The following VWA3A variants were observed in gnomAD, a reference collection of about 807,000 sequenced individuals.
The protein encoded by VWA3A is von Willebrand factor A domain containing 3A.
Under a neutral mutation model 160.4 loss-of-function variants are expected in VWA3A, and 134 were observed. The ratio of observed to expected loss-of-function variants is 0.84; its 90% CI spans 0.73 to 0.96. The LOEUF (loss-of-function observed/expected upper bound fraction) is 0.96. VWA3A is among the 40% of genes least tolerant of loss of function. VWA3A has a pLI of 0.00. For missense variants in VWA3A, 1,310 were observed against 1,447.9 expected (o/e 0.90, Z 1.55); for synonymous variants, 476 against 543.4 (o/e 0.88, Z 1.72).
intron 6 of VWA3A, among the ~76,000 whole-genome samples, chr16:22,106,316 CA>C (rs1468992869): frequency 2.0e-5 from 3 of 152,052 alleles, no homozygotes; most frequent in Admixed American, 6.5e-5. Flanking sequence ...ACCCAGGAGG[CA>C]GAGGTTGCAG....
intron 12 of VWA3A, among the ~76,000 whole-genome samples, chr16:22,120,211 T>C (rs114975111): frequency 0.016 from 2,416 of 152,242 alleles, 66 homozygotes; most frequent in African/African-American, 0.055. Context: ...TGAGTTTGGA[T>C]TGAACCCAGG....
intron 3 of VWA3A, among the ~76,000 whole-genome samples, chr16:22,099,595 A>C (rs1434750465): frequency 6.6e-6 from 1 of 152,272 alleles, no homozygotes; most frequent in Non-Finnish European, 1.5e-5. Context: ...TGCAGTAATT[A>C]TGAGAGTGTT....
At chr16:22,152,670 A>C (rs1421365375) in intron 31 of VWA3A, 36 bp downstream of exon 31, 1 of 1,575,628 alleles carries the variant, frequency 6.3e-7, no homozygotes, top group East Asian at 2.3e-5. Flanking sequence ...AGGTCTGTTG[A>C]AACGGCTCGA....
Position 22,150,778 on chromosome 16 carries a change from T to G in VWA3A, c.3213T>G (p.Asn1071Lys), listed in dbSNP as rs1327243076. 1 of 1,613,280 alleles carries G rather than the reference T, an allele frequency of 6.2e-7. No individual in the cohort carries two copies. Among genetic ancestry groups the G allele is most frequent in the Non-Finnish European group, 8.5e-7 (1 of 1,179,668 alleles). ...ACACAAGCTGCAGCCTTGTCCTAAATGAAGTCCAAAAACTCAGGGAGAAAA... is the reference window on the plus strand; with the variant it reads ...ACACAAGCTGCAGCCTTGTCCTAAAGGAAGTCCAAAAACTCAGGGAGAAAA... Reference protein sequence around the residue: ...KPDTSCSLVLNEVQKLREKRD... With the variant: ...KPDTSCSLVLKEVQKLREKRD... The change falls in exon 30 of 34, where the codon AAT becomes AAG. Residue 1071 changes from asparagine to lysine, a missense_variant. Physicochemically the swap from Asn to Lys is moderately conservative, Grantham distance 94 (BLOSUM62 0). Transcript: ENST00000389398.
At chr16:22,120,153 G>T (rs2045708327) in intron 12 of VWA3A, among the ~76,000 whole-genome samples, 1 of 152,146 alleles carries the variant, frequency 6.6e-6, no homozygotes, top group African/African-American at 2.4e-5. Flanking sequence ...GGAAACCAAA[G>T]TTAAGAGGTT....
intron 5 of VWA3A, among the ~76,000 whole-genome samples, chr16:22,101,641 A>C (rs775307779): frequency 1.3e-5 from 2 of 152,182 alleles, no homozygotes; most frequent in Non-Finnish European, 2.9e-5. Context: ...TTATAAAACC[A>C]TCACTCTCAA....
intron 27 of VWA3A, chr16:22,147,653 C>G: frequency 1.4e-6 from 1 of 702,960 alleles, no homozygotes; most frequent in South Asian, 1.5e-5. Flanking sequence ...GTACAGTTGT[C>G]AGGTCAGAGG....
chr16:22,115,667 TAA>T (rs560660662), intron 9 of VWA3A, among the ~76,000 whole-genome samples, 195 bp downstream of exon 9: 4 of 140,246 alleles, frequency 2.9e-5, no homozygotes, highest in Non-Finnish European at 3.1e-5. Flanking sequence ...CCCTATCTCT[TAA>T]AAAAAAAAAA....
At chr16:22,111,635 C>T (rs1431788629) in intron 8 of VWA3A, among the ~76,000 whole-genome samples, 1 of 152,126 alleles carries the variant, frequency 6.6e-6, no homozygotes, top group Non-Finnish European at 1.5e-5. Context: ...GCATGCACTA[C>T]CACGCCCAGC....
At position 22,155,894 on chromosome 16, in the gene VWA3A, C is replaced by T. The variant is rs779599266; in HGVS notation, c.3547C>T (p.Leu1183Phe). The T allele has an allele frequency of 6.2e-7, 1 of 1,614,014 alleles. No homozygotes were observed. Among genetic ancestry groups the T allele is most frequent in the Admixed American group, 1.7e-5 (1 of 60,028 alleles). ...KKNDAEPKVTLS is the reference protein window; with the variant it reads ...KKNDAEPKVTFS ...AAATGATGCAGAACCAAAGGTCACT[C>T]TTTCCTAGAGAAGTGTTCTCAGGTA... The change falls in exon 33 of 34, where the codon CTT becomes TTT. Residue 1183 changes from leucine to phenylalanine, a missense_variant. By Grantham distance (22) the Leu-to-Phe change is conservative. Coordinates refer to ENST00000389398, the MANE Select transcript of VWA3A (RefSeq NM_173615.5).
intron 1 of VWA3A, among the ~76,000 whole-genome samples, chr16:22,092,881 C>T (rs959386672): frequency 7.9e-5 from 12 of 152,040 alleles, no homozygotes; most frequent in African/African-American, 2.7e-4. Context: ...GAAGGGGCAG[C>T]GACAGGAGGA....
chr16:22,144,384 T>G lies in VWA3A; in HGVS notation c.2730T>G (p.His910Gln). Residue 910 changes from histidine (H) to glutamine (Q), a missense_variant and splice_region_variant, in exon 26 of 34, where the codon CAT becomes CAG. Physicochemically the swap from His to Gln is conservative, Grantham distance 24 (BLOSUM62 0). Coordinates refer to ENST00000389398, the MANE Select transcript of VWA3A (RefSeq NM_173615.5). ...GCATCTTCCCCAGCGTTGAGATCCA[T>G]GTAAGTCACAATTTTCATCATCGTC... ...HCSIFPSVEI[H>Q]GVVRHIQWTP... The G allele has an allele frequency of 6.2e-7, 1 of 1,610,582 alleles. No individual in the cohort carries two copies. Among genetic ancestry groups the G allele is most frequent in the East Asian group, 2.2e-5 (1 of 44,850 alleles).
At chr16:22,140,012 G>A (rs1198957666) in intron 22 of VWA3A, 142 bp from the exon 23 acceptor site, 33 of 697,720 alleles carry the variant, frequency 4.7e-5, no homozygotes, top group Admixed American at 4.5e-4. Context: ...CTGCAGGAGA[G>A]GGGCCAAACC....
Position 22,133,029 on chromosome 16 carries a change from A to G in VWA3A, c.2002A>G (p.Thr668Ala), listed in dbSNP as rs1359681601. Residue 668 changes from threonine to alanine, a missense_variant, in exon 20 of 34, where the codon ACA (threonine) becomes GCA (alanine). Thr to Ala is a moderately conservative substitution (Grantham distance 58). Transcript: ENST00000389398. ...TGCCCGCTATGCCAGTCACACTGACACAGCCGCCGCCTACAAGGAGGTCAC... is the reference window on the plus strand; with the variant it reads ...TGCCCGCTATGCCAGTCACACTGACGCAGCCGCCGCCTACAAGGAGGTCAC... The part of the protein sequence containing the change: ...PPARYASHTD[T>A]AAAYKEVTRA... 5 of 1,613,832 alleles carry G rather than the reference A, an allele frequency of 3.1e-6. No homozygotes were observed. Among genetic ancestry groups the G allele is most frequent in the Non-Finnish European group, 3.4e-6 (4 of 1,179,896 alleles).
intron 24 of VWA3A, among the ~76,000 whole-genome samples, chr16:22,141,902 A>G (rs113356281): frequency 2.0e-5 from 3 of 152,314 alleles, no homozygotes; most frequent in African/African-American, 7.2e-5. Flanking sequence ...AGAGAAGTCA[A>G]TATTGAAGAT....
At chr16:22,119,690 T>C (rs1432713697) in intron 12 of VWA3A, among the ~76,000 whole-genome samples, 2 of 152,112 alleles carry the variant, frequency 1.3e-5, no homozygotes, top group Non-Finnish European at 2.9e-5. Context: ...TTTAAAAATA[T>C]ACAAATACAA....
chr16:22,149,326 A>G (rs1002672635), intron 28 of VWA3A, among the ~76,000 whole-genome samples: 1 of 152,082 alleles, frequency 6.6e-6, no homozygotes, highest in Non-Finnish European at 1.5e-5. Flanking sequence ...TGCAGCCTCA[A>G]CGTCCTGGGC....
Position 22,100,319 on chromosome 16 carries a change from G to A in VWA3A, c.350+1G>A. 1 of 1,551,600 alleles carries A rather than the reference G, an allele frequency of 6.4e-7. No individual in the cohort carries two copies. The highest frequency in any genetic ancestry group is 8.7e-7 in the Non-Finnish European group (1 of 1,146,998). On this transcript the variant is annotated splice_donor_variant, in intron 4 of 33. Transcript: ENST00000389398. LOFTEE classifies it high-confidence loss of function. ...TGATAAGCCAGGGCACAGAAGTGCT[G>A]TAAGTCTGAAGCTGTTCCCCGCACC...
At chr16:22,127,202 C>T (rs1282140762) in intron 17 of VWA3A, among the ~76,000 whole-genome samples, 2 of 151,970 alleles carry the variant, frequency 1.3e-5, no homozygotes. Flanking sequence ...TCTAAGTTCA[C>T]TGCAGCCTCC....
Sources: allele counts gnomAD v4.1 joint callset (sites outside exome capture counted in the v4.1 genomes callset), GRCh38; gene constraint gnomAD v4.1.1; transcripts MANE v1.5; gene names NCBI Gene and HGNC (gene_info 2026-07-23, HGNC 2026-07-21).